LIFR: variants seen among roughly 807,000 people sequenced by gnomAD.
LIFR encodes the protein LIF receptor subunit alpha.
LIFR carries 84 observed loss-of-function variants against 122.2 expected under a neutral mutation model. The observed-to-expected ratio is 0.69, with a 90% CI of 0.58 to 0.82. The LOEUF (loss-of-function observed/expected upper bound fraction) is 0.82, where lower values mean the gene tolerates loss of function less well. LIFR is among the 40% of genes least tolerant of loss of function. The pLI, the probability that LIFR is intolerant of heterozygous loss-of-function variation, is 0.00. For missense variants in LIFR, 1,294 were observed against 1,311.6 expected (o/e 0.99, Z 0.21); for synonymous variants, 422 against 434.7 (o/e 0.97, Z 0.36).
intron 9 of LIFR, among the ~76,000 whole-genome samples, chr5:38,505,440 ACACAC>A (rs1451115475): frequency 6.3e-5 from 9 of 142,190 alleles, no homozygotes; most frequent in South Asian, 2.2e-4. Flanking sequence ...ACACACACAC[ACACAC>A]GAGTACAAAT....
chr5:38,531,362 C>T (rs1471275714), intron 1 of LIFR, among the ~76,000 whole-genome samples: 1 of 151,472 alleles, frequency 6.6e-6, no homozygotes, highest in African/African-American at 2.4e-5. Context: ...GCACAGGGCA[C>T]CAAAGATCAC....
At position 38,488,625 on chromosome 5, in the gene LIFR, C is replaced by G. The variant is rs1744412644; in HGVS notation, c.2335+453G>C. On this transcript the variant is annotated intron_variant, in intron 16 of 19. Coordinates refer to ENST00000453190, the MANE Select transcript of LIFR (RefSeq NM_001127671.2). ...TCCCCAATCAAGTCAATTAAGTTTT[C>G]CAGCTTATCAAGGGCATGGCTAAGA... Among the ~76,000 whole-genome samples the G allele has an allele frequency of 2.0e-5, 3 of 152,208 alleles. No homozygotes were observed. The South Asian group carries it at 6.2e-4, about 31-fold the overall frequency.
At chr5:38,525,694 G>A (rs1265990533) in intron 4 of LIFR, among the ~76,000 whole-genome samples, 1 of 152,136 alleles carries the variant, frequency 6.6e-6, no homozygotes, top group African/African-American at 2.4e-5. Flanking sequence ...GCTCCTTGTG[G>A]AAAAGGAAAA....
In LIFR at chr5:38,550,308, C is replaced by A. The variant is rs58205206; in HGVS notation, c.-20+6026G>T. 9.0e-3 allele frequency: 6,952 copies of A among 772,720 alleles called. 356 individuals carry two copies. The African/African-American group carries it at 0.11, about 13-fold the overall frequency. The allele number at this position is 772,720 out of a possible 1,614,324, so 47.9% of individuals were successfully genotyped here. On this transcript the variant is annotated intron_variant, in intron 1 of 19. Transcript: ENST00000453190. ...TGATAAAGCACAACTGAAAAAAAAA[C>A]AGGGAAAAATTCAAACAATAAATGC...
upstream of LIFR, among the ~76,000 whole-genome samples, chr5:38,598,221 T>TA (rs1561235353): frequency 1.4e-3 from 96 of 67,084 alleles, 1 homozygote; most frequent in African/African-American, 9.4e-3. Context: ...CTTTTTTTTT[T>TA]TTTTTTTTTT....
intron 5 of LIFR, among the ~76,000 whole-genome samples, chr5:38,516,028 C>A (rs902401151): frequency 6.6e-6 from 1 of 152,204 alleles, no homozygotes; most frequent in East Asian, 1.9e-4. Context: ...AATAAAAATG[C>A]CCTGAGGCAT....
chr5:38,553,505 C>CAATAAACA (rs1748315727), intron 1 of LIFR, among the ~76,000 whole-genome samples: 1 of 150,790 alleles, frequency 6.6e-6, no homozygotes, highest in South Asian at 2.1e-4. Context: ...AACAGATGCC[C>CAATAAACA]AATAAACACC....
At chr5:38,605,162 G>C (rs1189704550) in intron 2 of LIFR, among the ~76,000 whole-genome samples, 1 of 152,100 alleles carries the variant, frequency 6.6e-6, no homozygotes, top group Non-Finnish European at 1.5e-5. Context: ...GGCACGTCTG[G>C]CCTCCACTTT....
chr5:38,571,388 C>A (rs1458896982), intron 1 of LIFR, among the ~76,000 whole-genome samples: 1 of 151,928 alleles, frequency 6.6e-6, no homozygotes, highest in Non-Finnish European at 1.5e-5. Flanking sequence ...CCTGTCTCTA[C>A]TAAAAATACA....
intron 1 of LIFR, among the ~76,000 whole-genome samples, chr5:38,544,948 C>A (rs911943473): frequency 2.6e-5 from 4 of 152,052 alleles, no homozygotes; most frequent in African/African-American, 9.7e-5. Context: ...AGTTATGCAC[C>A]ATGGAAGATT....
upstream of LIFR, among the ~76,000 whole-genome samples, chr5:38,559,479 T>C (rs1378853704): frequency 6.6e-6 from 1 of 152,206 alleles, no homozygotes; most frequent in Non-Finnish European, 1.5e-5. Flanking sequence ...GTCTCATGGA[T>C]TGAGACTATT....
At chr5:38,598,226 TTTTTTTATTTATTTATTTA>T (rs1258841351), upstream of LIFR, among the ~76,000 whole-genome samples, 2 of 65,498 alleles carry the variant, frequency 3.1e-5, no homozygotes, top group African/African-American at 1.1e-4. Context: ...TTTTTTTTTT[TTTTTTTATTTATTTATTTA>T]TTTTTTTTTT....
Position 38,499,544 on chromosome 5 carries a change from G to T in LIFR, c.1640C>A (p.Ser547Tyr), listed in dbSNP as rs773572502. The change falls in exon 12 of 20, where the codon TCT (serine) becomes TAT (tyrosine). Residue 547 changes from serine to tyrosine, a missense_variant. Transcript: ENST00000453190. ...KGPDTWREWS[S>Y]DGKNLIIYWK... is the part of the protein sequence containing the mutation. The stretch of plus-strand genomic sequence containing the variant: ...ATAGATTATTAAATTTTTTCCATCA[G>T]AACTCCACTCTCTCCAAGTATCAGG... The T allele has an allele frequency of 5.0e-6, 8 of 1,608,730 alleles. No individual in the cohort carries two copies. The highest frequency in any genetic ancestry group is 6.8e-6 in the Non-Finnish European group (8 of 1,175,170).
rs1005564134 is a variant in LIFR at position 38,519,618 on chromosome 5, C to A, written c.561+3801G>T. Reference sequence around the variant, plus strand: ...CTCTCTTCCTGCCCCGTCCCACCAACACACCCTTCTCAGTCTCTAGTATCT... The same window carrying A: ...CTCTCTTCCTGCCCCGTCCCACCAAAACACCCTTCTCAGTCTCTAGTATCT... On this transcript the variant is annotated intron_variant, in intron 5 of 19. Transcript: ENST00000453190. Among the ~76,000 whole-genome samples, 7 of 152,334 alleles carry A rather than the reference C, an allele frequency of 4.6e-5. No homozygotes were observed. In the East Asian group the frequency reaches 1.4e-3, roughly 29 times the overall value.
chr5:38,500,994 C>T (rs1205985036), intron 11 of LIFR, among the ~76,000 whole-genome samples: 2 of 152,176 alleles, frequency 1.3e-5, no homozygotes, highest in Non-Finnish European at 2.9e-5. Flanking sequence ...GGCCTCCTGC[C>T]TTTAGCCACA....
chr5:38,587,263 A>T lies in LIFR; in HGVS notation c.-20+7998T>A, dbSNP rs79653071. ...TGAGTGTCAAGAAAGAGGGAAACTG[A>T]GGAGCATATACCAGGGGTCCTAACC... On this transcript the variant is annotated intron_variant, in intron 1 of 19. Coordinates refer to the LIFR transcript ENST00000263409. 8.2e-3 allele frequency among the ~76,000 whole-genome samples: 1,242 copies of T among 152,202 alleles called. 103 individuals are homozygous for T. In the East Asian group the frequency reaches 0.19, roughly 24 times the overall value.
At chr5:38,484,701 C>G (rs1744187011) in intron 18 of LIFR, 74 bp downstream of exon 18, 2 of 963,684 alleles carry the variant, frequency 2.1e-6, no homozygotes, top group Non-Finnish European at 3.3e-6. Flanking sequence ...TTATTTAATA[C>G]ATAAACTAAT....
chr5:38,541,401 C>T lies in LIFR; in HGVS notation c.-19-10735G>A, dbSNP rs11956025. ...ATGCACGTCAGCCCATCCTTAGCCTCGACTTGATAAGCTGTTGTACTGGGA... is the reference window on the plus strand; with the variant it reads ...ATGCACGTCAGCCCATCCTTAGCCTTGACTTGATAAGCTGTTGTACTGGGA... On this transcript the variant is annotated intron_variant, in intron 1 of 19. Transcript: ENST00000453190. 5.9e-3 allele frequency among the ~76,000 whole-genome samples: 903 copies of T among 152,274 alleles called. 3 individuals are homozygous for T. Among genetic ancestry groups the T allele is most frequent in the African/African-American group, 0.02 (813 of 41,542 alleles).
chr5:38,546,076 T>G (rs149039284), intron 1 of LIFR, among the ~76,000 whole-genome samples: 2 of 152,292 alleles, frequency 1.3e-5, no homozygotes, highest in East Asian at 3.9e-4. Flanking sequence ...TGAAATTTAT[T>G]GGAGAAGGGG....
Sources: allele counts gnomAD v4.1 joint callset (sites outside exome capture counted in the v4.1 genomes callset), GRCh38; gene constraint gnomAD v4.1.1; transcripts MANE v1.5; gene names NCBI Gene and HGNC (gene_info 2026-07-23, HGNC 2026-07-21).